The following CTNNA3 variants were observed in gnomAD, a reference collection of about 807,000 sequenced individuals.
CTNNA3 encodes the protein catenin alpha 3, also known as catenin alpha-3.
A neutral mutation model predicts 95.7 loss-of-function variants in CTNNA3; 76 were observed. The ratio of observed to expected loss-of-function variants is 0.79; its 90% CI spans 0.66 to 0.96. CTNNA3 has a LOEUF of 0.96. Ranked by LOEUF, CTNNA3 falls within the 40% of genes least tolerant of loss-of-function variation. CTNNA3 has a pLI of 0.00. For synonymous variants in CTNNA3, 431 were observed against 374.4 expected (o/e 1.15, Z -1.74); for missense variants, 1,191 against 1,089.8 (o/e 1.09, Z -1.31).
intron 10 of CTNNA3, among the ~76,000 whole-genome samples, chr10:66,554,689 C>T (rs1842337495): frequency 1.3e-5 from 2 of 151,998 alleles, no homozygotes; most frequent in South Asian, 4.2e-4. Context: ...CTATTTGGTC[C>T]TTTTAAAAAA....
chr10:66,490,665 A>G (rs1187059891), intron 11 of CTNNA3, among the ~76,000 whole-genome samples: 1 of 152,172 alleles, frequency 6.6e-6, no homozygotes, highest in East Asian at 1.9e-4. Flanking sequence ...CTCTCAGATG[A>G]CATTTCTCTG....
chr10:67,648,641 A>C, intron 1 of CTNNA3: 3 of 834,180 alleles, frequency 3.6e-6, no homozygotes, highest in Non-Finnish European at 5.0e-6. Context: ...AAAAGATATT[A>C]CTTGAGTTTC....
At chr10:66,397,306 T>G (rs1198733043) in intron 11 of CTNNA3, among the ~76,000 whole-genome samples, 2 of 151,758 alleles carry the variant, frequency 1.3e-5, no homozygotes, top group Non-Finnish European at 3.0e-5. Flanking sequence ...CTCTTATAGC[T>G]AAGGCTTAGG....
At chr10:67,123,504 CTTT>C (rs1859566248) in intron 7 of CTNNA3, among the ~76,000 whole-genome samples, 1 of 152,028 alleles carries the variant, frequency 6.6e-6, no homozygotes, top group Non-Finnish European at 1.5e-5. Flanking sequence ...TAACAAAAAA[CTTT>C]TTACTTTAAA....
At chr10:67,251,942 G>T (rs1183187132) in intron 5 of CTNNA3, among the ~76,000 whole-genome samples, 1 of 152,126 alleles carries the variant, frequency 6.6e-6, no homozygotes, top group Non-Finnish European at 1.5e-5. Context: ...GGAGGTGGTG[G>T]CTCACACCTG....
At chr10:67,481,588 G>A (rs1336905206) in intron 5 of CTNNA3, among the ~76,000 whole-genome samples, 3 of 152,168 alleles carry the variant, frequency 2.0e-5, no homozygotes, top group East Asian at 1.9e-4. Context: ...CCAAGGAGGT[G>A]AAAGAAAGAT....
intron 7 of CTNNA3, among the ~76,000 whole-genome samples, chr10:66,814,882 C>T (rs1275810162): frequency 9.8e-5 from 13 of 132,336 alleles, no homozygotes; most frequent in Admixed American, 8.0e-4. Context: ...GATGGAGTCT[C>T]GCTCTGTCAC....
In CTNNA3 at chr10:67,377,108, C is replaced by T. The variant is rs1843721416; in HGVS notation, c.579+144734G>A. On this transcript the variant is annotated intron_variant, in intron 5 of 17. Coordinates refer to ENST00000433211, the MANE Select transcript of CTNNA3 (RefSeq NM_013266.4). ...AATATATCCTAACCAGTTTAACATA[C>T]TTTAGTTTGGATTTCTGTTTGGTAC... is the stretch of plus-strand genomic sequence containing the variant. Among the ~76,000 whole-genome samples, 5 of 152,190 alleles carry T rather than the reference C, an allele frequency of 3.3e-5. 1 individual carries two copies. The South Asian group carries it at 1.0e-3, about 32-fold the overall frequency.
intron 9 of CTNNA3, among the ~76,000 whole-genome samples, chr10:66,680,061 CG>C (rs1352205610): frequency 6.6e-6 from 1 of 152,068 alleles, no homozygotes; most frequent in African/African-American, 2.4e-5. Flanking sequence ...AGCTTGATCT[CG>C]GCTCACTGCA....
At chr10:66,691,852 G>C (rs1048353778) in intron 9 of CTNNA3, among the ~76,000 whole-genome samples, 5 of 152,088 alleles carry the variant, frequency 3.3e-5, no homozygotes, top group Non-Finnish European at 5.9e-5. Flanking sequence ...AGGCAAACAG[G>C]GTCTGGAGTG....
intron 16 of CTNNA3, among the ~76,000 whole-genome samples, chr10:65,981,567 T>C (rs936264543): frequency 6.6e-6 from 1 of 151,978 alleles, no homozygotes; most frequent in Non-Finnish European, 1.5e-5. Flanking sequence ...AGAAGAAATC[T>C]GGAGGCATCA....
In CTNNA3 at chr10:66,377,321, AT is replaced by A. The variant is rs971097320; in HGVS notation, c.1732+1830del. 5.9e-5 allele frequency among the ~76,000 whole-genome samples: 9 copies of A among 152,236 alleles called. 1 individual carries two copies. The highest frequency in any genetic ancestry group is 1.9e-4 in the African/African-American group (8 of 41,564). On this transcript the variant is annotated intron_variant, in intron 12 of 17. Coordinates refer to ENST00000433211, the MANE Select transcript of CTNNA3 (RefSeq NM_013266.4). ...ATTTATCTAGAGAATTTTAATTAAA[AT>A]TATATACAACTAATTAGAAGAAAAC...
intron 7 of CTNNA3, among the ~76,000 whole-genome samples, chr10:66,923,352 A>G (rs1366993746): frequency 6.6e-6 from 1 of 152,186 alleles, no homozygotes; most frequent in African/African-American, 2.4e-5. Context: ...AAGAAGCACA[A>G]AGTTAATGGG....
intron 3 of CTNNA3, among the ~76,000 whole-genome samples, chr10:67,562,965 A>G (rs1841584255): frequency 6.6e-6 from 1 of 152,100 alleles, no homozygotes; most frequent in South Asian, 2.1e-4. Flanking sequence ...GAGAACTACA[A>G]ACTACTGCTC....
intron 1 of CTNNA3, among the ~76,000 whole-genome samples, chr10:67,666,754 AT>A (rs200790096): frequency 0.013 from 1,925 of 152,254 alleles, 46 homozygotes; most frequent in African/African-American, 0.044. Flanking sequence ...GAAATATCCC[AT>A]TTTATTTTGC....
chr10:67,172,105 A>G (rs1322033082), intron 7 of CTNNA3, among the ~76,000 whole-genome samples: 2 of 152,190 alleles, frequency 1.3e-5, no homozygotes, highest in African/African-American at 4.8e-5. Flanking sequence ...CCCTTTCTGG[A>G]ATTCCCAACT....
intron 9 of CTNNA3, among the ~76,000 whole-genome samples, chr10:66,634,726 T>G (rs1253712420): frequency 3.3e-5 from 5 of 152,100 alleles, no homozygotes; most frequent in Non-Finnish European, 7.4e-5. Flanking sequence ...GTGTCTGAAA[T>G]TCTTGTCCCT....
At chr10:67,141,085 G>A (rs1179459363) in intron 7 of CTNNA3, among the ~76,000 whole-genome samples, 1 of 152,154 alleles carries the variant, frequency 6.6e-6, no homozygotes, top group Admixed American at 6.5e-5. Context: ...CCTCAATGTA[G>A]AGGCATGCTC....
At chr10:67,126,495 G>C (rs1002578013) in intron 7 of CTNNA3, among the ~76,000 whole-genome samples, 1 of 152,196 alleles carries the variant, frequency 6.6e-6, no homozygotes, top group Admixed American at 6.5e-5. Flanking sequence ...GGCTTGCAGC[G>C]AGCCAAGATT....
Sources: gnomAD v4.1 joint callset for allele counts (sites outside exome capture counted in the v4.1 genomes callset) on GRCh38, gnomAD v4.1.1 for gene constraint, MANE v1.5 for transcripts, NCBI Gene and HGNC (gene_info 2026-07-23, HGNC 2026-07-21) for gene names.